Variants in DAG1 observed in about 807,000 individuals in gnomAD.
DAG1 encodes the protein dystroglycan 1.
Under a neutral mutation model 46.1 loss-of-function variants are expected in DAG1, and 8 were observed. That is an observed-to-expected ratio of 0.17 (90% confidence interval 0.10 to 0.31). The LOEUF is 0.31. DAG1 is among the 10% of genes least tolerant of loss of function. The pLI, the probability that DAG1 is intolerant of heterozygous loss-of-function variation, is 1.00. For missense variants in DAG1, 1,003 were observed against 1,189.9 expected (o/e 0.84, Z 2.31); for synonymous variants, 495 against 481.8 (o/e 1.03, Z -0.36).
At position 49,530,920 on chromosome 3, in the gene DAG1, C is replaced by T. The variant is rs374440411; in HGVS notation, c.409C>T (p.Arg137Trp). ...GCATTACATTTCAGTGAGCGCTACA[C>T]GGCTGGGGGCCAACGGGAGCCACAT... ...GVHYISVSATRLGANGSHIPQ... is the reference protein window; with the variant it reads ...GVHYISVSATWLGANGSHIPQ... Residue 137 changes from arginine (R) to tryptophan (W), a missense_variant, in exon 3 of 3, where the codon CGG becomes TGG. By Grantham distance (101) the Arg-to-Trp change is moderately radical (BLOSUM62 -3). This residue lies in a region of DAG1 where 196 missense variants were observed against 239.1 expected (regional missense o/e 0.82). Transcript: ENST00000308775. The T allele has an allele frequency of 6.8e-6, 11 of 1,614,030 alleles. No individual in the cohort carries two copies. Among genetic ancestry groups the T allele is most frequent in the African/African-American group, 2.7e-5 (2 of 74,924 alleles).
At chr3:49,519,198 C>T (rs1007296627) in intron 2 of DAG1, among the ~76,000 whole-genome samples, 3 of 152,128 alleles carry the variant, frequency 2.0e-5, no homozygotes, top group African/African-American at 7.2e-5. Flanking sequence ...TGATTATATG[C>T]CAGGAGATGT....
In DAG1 at chr3:49,493,131, A is replaced by G. The variant is rs554140408; in HGVS notation, c.-116-17288A>G. On this transcript the variant is annotated intron_variant, in intron 1 of 2. Coordinates refer to ENST00000308775, the MANE Select transcript of DAG1 (RefSeq NM_004393.6). ...ATGATCATGGCTCACTGCAACCTCAACCTCCCAGGCTCAAGCGATCCTCCC... is the reference window on the plus strand; with the variant it reads ...ATGATCATGGCTCACTGCAACCTCAGCCTCCCAGGCTCAAGCGATCCTCCC... Among the ~76,000 whole-genome samples the G allele has an allele frequency of 2.2e-5, 3 of 137,164 alleles. No individual in the cohort carries two copies. In the South Asian group the frequency reaches 6.8e-4, roughly 31 times the overall value. The allele number at this position is 137,164 out of a possible 152,430, so 90.0% of individuals were successfully genotyped here. A position where few individuals can be genotyped will look rare whatever the true frequency, so the allele number is the denominator to read the frequency against.
chr3:49,498,178 C>G (rs2050362759), intron 1 of DAG1, among the ~76,000 whole-genome samples: 1 of 152,162 alleles, frequency 6.6e-6, no homozygotes, highest in East Asian at 1.9e-4. Context: ...CCCTGATGGT[C>G]CTGGGGCTCC....
chr3:49,480,918 C>T (rs2107041235), intron 1 of DAG1, among the ~76,000 whole-genome samples: 1 of 138,010 alleles, frequency 7.2e-6, no homozygotes, highest in Non-Finnish European at 1.7e-5. Context: ...CCTGTAGCCA[C>T]ACCTGGATAA....
At chr3:49,510,068 C>T (rs1216582019) in intron 1 of DAG1, among the ~76,000 whole-genome samples, 9 of 152,186 alleles carry the variant, frequency 5.9e-5, no homozygotes, top group Admixed American at 3.3e-4. Flanking sequence ...TTTGTTAATA[C>T]TTATTGTTTA....
intron 1 of DAG1, among the ~76,000 whole-genome samples, chr3:49,495,707 G>A (rs959537599): frequency 2.4e-4 from 36 of 151,982 alleles, no homozygotes; most frequent in Non-Finnish European, 5.9e-5. Context: ...GGATCACAAT[G>A]TCAGGAGTTC....
intron 1 of DAG1, among the ~76,000 whole-genome samples, chr3:49,493,971 T>G (rs1005292917): frequency 1.3e-5 from 2 of 152,094 alleles, no homozygotes; most frequent in Non-Finnish European, 2.9e-5. Context: ...TCAGAGAAGT[T>G]TGTGATTTTT....
In DAG1 at chr3:49,528,069, C is replaced by A. The variant is rs537042114; in HGVS notation, c.286-2728C>A. ...CACCTACTCTCCACCTCTCAGGACC[C>A]CTACTTCTATCCCACTCCTGTAAAA... On this transcript the variant is annotated intron_variant, in intron 2 of 2. Coordinates refer to ENST00000308775, the MANE Select transcript of DAG1 (RefSeq NM_004393.6). Among the ~76,000 whole-genome samples, 220 of 152,166 alleles carry A rather than the reference C, an allele frequency of 1.4e-3. 1 individual carries two copies. Among genetic ancestry groups the A allele is most frequent in the African/African-American group, 5.1e-3 (211 of 41,504 alleles).
At chr3:49,470,870 C>CA (rs2049499683) in intron 1 of DAG1, 1 of 152,300 alleles carries the variant, frequency 6.6e-6, no homozygotes, top group Admixed American at 6.5e-5. Flanking sequence ...ACTGCTCTGT[C>CA]AGAGCTGCTC....
rs1445953917 is a variant in DAG1 at position 49,531,628 on chromosome 3, C to T, written c.1117C>T (p.Arg373Ter). 2 of 1,612,824 alleles carry T rather than the reference C, an allele frequency of 1.2e-6. No homozygotes were observed. The highest frequency in any genetic ancestry group is 2.7e-5 in the African/African-American group (2 of 74,860). ...GAAACCCACGGTCACCATCCGGACTCGAGGCGCCATTATTCAAACCCCAAC... is the reference window on the plus strand; with the variant it reads ...GAAACCCACGGTCACCATCCGGACTTGAGGCGCCATTATTCAAACCCCAAC... ...PGKPTVTIRT[R>*]GAIIQTPTLG... The change falls in exon 3 of 3, where the codon CGA becomes TGA. Residue 373 changes from arginine (R) to a stop codon, truncating the protein, a stop_gained. Transcript: ENST00000308775. LOFTEE classifies it high-confidence loss of function. This position sits in a 1 kb window ranked among gnomAD's most constrained non-coding sequence, Gnocchi z 7.0.
At chr3:49,527,113 C>A (rs1270867075) in intron 2 of DAG1, among the ~76,000 whole-genome samples, 2 of 152,072 alleles carry the variant, frequency 1.3e-5, no homozygotes, top group South Asian at 4.1e-4. Flanking sequence ...CCCTTGTGGC[C>A]GGGTGCGGTG....
chr3:49,528,619 TAAAG>T, intron 2 of DAG1, among the ~76,000 whole-genome samples: 1 of 152,178 alleles, frequency 6.6e-6, no homozygotes, highest in South Asian at 2.1e-4. Flanking sequence ...AAAATATTTT[TAAAG>T]AAAAATATAT....
chr3:49,525,690 C>G (rs868041298), intron 2 of DAG1, among the ~76,000 whole-genome samples: 10 of 151,816 alleles, frequency 6.6e-5, no homozygotes, highest in Middle Eastern at 3.4e-3. Flanking sequence ...TCCCGAGTAG[C>G]TGGGACTACA....
chr3:49,474,204 G>A (rs1378183522), intron 1 of DAG1, among the ~76,000 whole-genome samples: 3 of 151,902 alleles, frequency 2.0e-5, no homozygotes. Flanking sequence ...ACAGGCGCAT[G>A]CCACCACACC....
intron 1 of DAG1, among the ~76,000 whole-genome samples, chr3:49,491,123 G>A (rs2050171026): frequency 6.6e-6 from 1 of 151,822 alleles, no homozygotes; most frequent in South Asian, 2.1e-4. Flanking sequence ...GACCCAGGTG[G>A]TCCGCCTGCC....
In DAG1 at chr3:49,510,298, TG is replaced by T. The variant is rs1307159234; in HGVS notation, c.-116-116del. On this transcript the variant is annotated intron_variant, in intron 1 of 2. Coordinates refer to ENST00000308775, the MANE Select transcript of DAG1 (RefSeq NM_004393.6). ...CTGTTGGTTTCTGTATAAGAGACCA[TG>T]GGGGTAAGAGGCTTGATCCAACTCG... The T allele has an allele frequency of 9.3e-5, 56 of 599,806 alleles. 1 individual carries two copies. The highest frequency in any genetic ancestry group is 8.9e-4 in the South Asian group (44 of 49,456). 37.2% of individuals were successfully genotyped at this position (599,806 alleles called of 1,614,324 possible). A position where few individuals can be genotyped will look rare whatever the true frequency, so the allele number is the denominator to read the frequency against.
At chr3:49,475,887 T>A (rs1013849297) in intron 1 of DAG1, among the ~76,000 whole-genome samples, 8 of 151,796 alleles carry the variant, frequency 5.3e-5, no homozygotes, top group African/African-American at 1.9e-4. Context: ...TATATATATA[T>A]TTTTTGTATT....
At chr3:49,496,665 T>A (rs2107454562) in intron 1 of DAG1, among the ~76,000 whole-genome samples, 1 of 151,250 alleles carries the variant, frequency 6.6e-6, no homozygotes, top group South Asian at 2.1e-4. Context: ...CGGCCTAAAT[T>A]TTTTTTTCTT....
intron 1 of DAG1, among the ~76,000 whole-genome samples, chr3:49,505,682 T>G (rs145921824): frequency 0.02 from 2,970 of 152,306 alleles, 50 homozygotes; most frequent in Non-Finnish European, 0.024. Context: ...GCCAAACTTT[T>G]TTTTTTGAGA....
Sources: allele counts gnomAD v4.1 joint callset (sites outside exome capture counted in the v4.1 genomes callset), GRCh38; gene constraint gnomAD v4.1.1; regional missense constraint gnomAD v4.1.1; non-coding constraint Gnocchi (gnomAD v3.1); transcripts MANE v1.5; gene names NCBI Gene and HGNC (gene_info 2026-07-23, HGNC 2026-07-21).